The following SORCS2 variants were observed in gnomAD, a reference collection of about 807,000 sequenced individuals.
SORCS2 encodes the protein sortilin related VPS10 domain containing receptor 2.
A neutral mutation model predicts 141.6 loss-of-function variants in SORCS2; 100 were observed. The observed-to-expected ratio is 0.71, with a 90% CI of 0.60 to 0.83. SORCS2 has a LOEUF of 0.83. SORCS2 is among the 40% of genes least tolerant of loss of function. SORCS2 has a pLI of 0.00. For missense variants in SORCS2, 1,646 were observed against 1,560.2 expected, an observed-to-expected ratio of 1.05 and a Z score of -0.93; for synonymous variants, 789 against 676.9, an observed-to-expected ratio of 1.17 and a Z score of -2.57.
intron 1 of SORCS2, among the ~76,000 whole-genome samples, chr4:7,228,214 G>A (rs1218149387): frequency 1.3e-5 from 2 of 152,208 alleles, no homozygotes; most frequent in African/African-American, 4.8e-5. Context: ...ATGTGCCTGT[G>A]TCCTAATCTC....
chr4:7,506,451 T>C (rs1392514884), intron 2 of SORCS2, among the ~76,000 whole-genome samples: 1 of 152,158 alleles, frequency 6.6e-6, no homozygotes, highest in Non-Finnish European at 1.5e-5. Context: ...TTAATCTGCT[T>C]GTCTGTCCAT....
rs145166371 is a variant in SORCS2, at chr4:7,701,035, A to G, written c.1669-2245A>G. Among the ~76,000 whole-genome samples, 1,162 of 152,322 alleles carry G rather than the reference A, an allele frequency of 7.6e-3. 10 individuals are homozygous for G. Among genetic ancestry groups the G allele is most frequent in the Middle Eastern group, 0.017 (5 of 294 alleles). On this transcript the variant is annotated intron_variant, in intron 12 of 26. Coordinates refer to ENST00000507866, the MANE Select transcript of SORCS2 (RefSeq NM_020777.3). ...TGTGTGCAGCACGCCTCACGGCACA[A>G]GGTGCCTGCCTGGATCCTGCAAGTC... is the stretch of plus-strand genomic sequence containing the variant.
chr4:7,194,941 C>T (rs754006447), intron 1 of SORCS2, among the ~76,000 whole-genome samples: 1 of 152,102 alleles, frequency 6.6e-6, no homozygotes, highest in Non-Finnish European at 1.5e-5. Flanking sequence ...GTAGAGGAGC[C>T]CCATGTGAGG....
At chr4:7,543,887 C>CCCACCCATCCATCCACCCACCCAT (rs1712995199) in intron 3 of SORCS2, among the ~76,000 whole-genome samples, 12 of 12,516 alleles carry the variant, frequency 9.6e-4, no homozygotes, top group Non-Finnish European at 2.2e-3. Flanking sequence ...CACCCACCCA[C>CCCACCCATCCATCCACCCACCCAT]CCACCCATCC....
intron 1 of SORCS2, among the ~76,000 whole-genome samples, chr4:7,329,215 T>C (rs1719487364): frequency 6.6e-6 from 1 of 152,194 alleles, no homozygotes; most frequent in African/African-American, 2.4e-5. Flanking sequence ...CACAGAGCCC[T>C]GGCTTACAGG....
At chr4:7,538,512 T>G (rs1475563615) in intron 3 of SORCS2, among the ~76,000 whole-genome samples, 1 of 152,214 alleles carries the variant, frequency 6.6e-6, no homozygotes, top group African/African-American at 2.4e-5. Context: ...TTCCAAGCAT[T>G]GTGTTTTATA....
intron 23 of SORCS2, among the ~76,000 whole-genome samples, chr4:7,731,455 A>G (rs1711674843): frequency 6.6e-6 from 1 of 152,210 alleles, no homozygotes; most frequent in African/African-American, 2.4e-5. Context: ...TCACAGAAAT[A>G]GAAAAAAAAA....
At chr4:7,595,454 A>G (rs980594612) in intron 3 of SORCS2, among the ~76,000 whole-genome samples, 2 of 152,094 alleles carry the variant, frequency 1.3e-5, no homozygotes, top group Non-Finnish European at 2.9e-5. Flanking sequence ...TAGGGCTGAA[A>G]GCCCCAAAAC....
At chr4:7,719,829 A>G (rs1726458922) in intron 18 of SORCS2, among the ~76,000 whole-genome samples, 1 of 152,096 alleles carries the variant, frequency 6.6e-6, no homozygotes, top group Non-Finnish European at 1.5e-5. Context: ...ACCACCGCCC[A>G]GGGGGCCGGG....
rs538078261 is a variant in SORCS2, at chr4:7,215,171, G to A, written c.480+22045G>A. On this transcript the variant is annotated intron_variant, in intron 1 of 26. Transcript: ENST00000507866. ...AACCGGGGCTGTGTGCGGCGCTTGC[G>A]GGCCAGCTGGAGTTCCGGGTGGGCG... Among the ~76,000 whole-genome samples, 10 of 152,286 alleles carry A rather than the reference G, an allele frequency of 6.6e-5. No individual in the cohort carries two copies. The South Asian group carries it at 1.5e-3, about 22-fold the overall frequency.
intron 1 of SORCS2, among the ~76,000 whole-genome samples, chr4:7,381,045 G>A (rs953836062): frequency 1.4e-5 from 2 of 139,956 alleles, no homozygotes; most frequent in African/African-American, 5.4e-5. Context: ...TTGCGCCACT[G>A]CACTCCAGCC....
intron 1 of SORCS2, among the ~76,000 whole-genome samples, chr4:7,319,779 G>A (rs546128609): frequency 1.1e-3 from 163 of 152,308 alleles, no homozygotes; most frequent in Non-Finnish European, 1.9e-3. Flanking sequence ...AAATATAGAA[G>A]TTTTGCTGTC....
At chr4:7,569,798 A>C (rs75055763) in intron 3 of SORCS2, among the ~76,000 whole-genome samples, 3,151 of 152,302 alleles carry the variant, frequency 0.021, 113 homozygotes, top group African/African-American at 0.071. Context: ...AGTGAGGTGC[A>C]GTGTGAAATA....
chr4:7,517,125 T>C (rs1173316767), intron 2 of SORCS2, among the ~76,000 whole-genome samples: 1 of 152,184 alleles, frequency 6.6e-6, no homozygotes, highest in African/African-American at 2.4e-5. Context: ...TTTACTGCTG[T>C]CTTTAGGAGT....
In SORCS2 at chr4:7,712,940, A is replaced by G. The variant is rs1235328765; in HGVS notation, c.1989+87A>G. The stretch of plus-strand genomic sequence containing the variant: ...CTGCCTGCCAAAGTCCTCCCCTGCA[A>G]GGCCGCAGGGCACCTCCCCGCCTCC... On this transcript the variant is annotated intron_variant, in intron 15 of 26. Transcript: ENST00000507866. 1.9e-6 allele frequency: 3 copies of G among 1,543,610 alleles called. No individual in the cohort carries two copies. In the African/African-American group the frequency reaches 4.1e-5, roughly 21 times the overall value.
At chr4:7,690,314 G>A (rs1307333451) in intron 11 of SORCS2, among the ~76,000 whole-genome samples, 1 of 141,758 alleles carries the variant, frequency 7.1e-6, no homozygotes. Context: ...GTGAATGGGT[G>A]GTGGATAGGT....
At chr4:7,277,518 T>C (rs1259922981) in intron 1 of SORCS2, among the ~76,000 whole-genome samples, 1 of 152,090 alleles carries the variant, frequency 6.6e-6, no homozygotes, top group Non-Finnish European at 1.5e-5. Context: ...GCAAGGTCCT[T>C]TGGGCTTGGG....
At chr4:7,601,503 C>T (rs1054499335) in intron 3 of SORCS2, among the ~76,000 whole-genome samples, 1 of 150,770 alleles carries the variant, frequency 6.6e-6, no homozygotes. Context: ...CCCGTAGTCC[C>T]AGCTACTCAG....
chr4:7,588,836 G>A (rs149258305), intron 3 of SORCS2, among the ~76,000 whole-genome samples: 1 of 152,262 alleles, frequency 6.6e-6, no homozygotes, highest in African/African-American at 2.4e-5. Flanking sequence ...ACTTTTTTTG[G>A]TATATTTTGC....
Sources: gnomAD v4.1 joint callset for allele counts (sites outside exome capture counted in the v4.1 genomes callset) on GRCh38, gnomAD v4.1.1 for gene constraint, MANE v1.5 for transcripts, NCBI Gene and HGNC (gene_info 2026-07-23, HGNC 2026-07-21) for gene names.